The following HMCN1 variants were observed in gnomAD, a reference collection of about 807,000 sequenced individuals.
HMCN1 encodes hemicentin 1.
A neutral mutation model predicts 625.9 loss-of-function variants in HMCN1; 321 were observed. The observed-to-expected ratio is 0.51, with a 90% confidence interval of 0.47 to 0.56. The LOEUF (loss-of-function observed/expected upper bound fraction) is 0.56, where lower values mean the gene tolerates loss of function less well. HMCN1 is among the 20% of genes least tolerant of loss of function. The pLI is 0.00. For synonymous variants in HMCN1, 2,425 were observed against 2,417.6 expected, an observed-to-expected ratio of 1.00 and a Z score of -0.09; for missense variants, 6,588 against 6,887.3, an observed-to-expected ratio of 0.96 and a Z score of 1.54.
intron 4 of HMCN1, among the ~76,000 whole-genome samples, chr1:185,879,081 G>A (rs538487325): frequency 6.6e-6 from 1 of 152,226 alleles, no homozygotes; most frequent in South Asian, 2.1e-4. Flanking sequence ...TTAGTTAGTT[G>A]GTAAAATGCT....
At chr1:185,995,385 G>A (rs906137569) in intron 24 of HMCN1, among the ~76,000 whole-genome samples, 1 of 152,100 alleles carries the variant, frequency 6.6e-6, no homozygotes, top group African/African-American at 2.4e-5. Flanking sequence ...GACATTGTGG[G>A]AAGAGTGAGT....
chr1:186,123,857 G>T (rs574854261), intron 81 of HMCN1, among the ~76,000 whole-genome samples: 1 of 152,158 alleles, frequency 6.6e-6, no homozygotes, highest in South Asian at 2.1e-4. Context: ...ATTATAATGA[G>T]GAGTTTCTGC....
intron 1 of HMCN1, among the ~76,000 whole-genome samples, chr1:185,778,925 T>A (rs1479736148): frequency 2.0e-5 from 3 of 152,204 alleles, no homozygotes; most frequent in Admixed American, 2.0e-4. Flanking sequence ...TGCCACACTG[T>A]CTTCCACAAT....
At chr1:185,941,653 A>G (rs1008062159) in intron 11 of HMCN1, among the ~76,000 whole-genome samples, 3 of 152,210 alleles carry the variant, frequency 2.0e-5, no homozygotes, top group African/African-American at 7.2e-5. Context: ...TACTGTCTCC[A>G]TGGTTAGAGG....
chr1:185,781,185 G>A (rs967944400), intron 1 of HMCN1, among the ~76,000 whole-genome samples: 1 of 151,974 alleles, frequency 6.6e-6, no homozygotes, highest in Non-Finnish European at 1.5e-5. Flanking sequence ...CTGTGCAATC[G>A]GTGGTGATAT....
chr1:185,904,047 G>A (rs1665958672), intron 4 of HMCN1, among the ~76,000 whole-genome samples: 1 of 151,788 alleles, frequency 6.6e-6, no homozygotes, highest in Non-Finnish European at 1.5e-5. Flanking sequence ...AGTTCTTGTG[G>A]ACAGGGTCTG....
intron 4 of HMCN1, among the ~76,000 whole-genome samples, chr1:185,888,442 G>A (rs1249090916): frequency 7.0e-6 from 1 of 143,118 alleles, no homozygotes; most frequent in Non-Finnish European, 1.5e-5. Flanking sequence ...ATGGTTTTAG[G>A]TCTAATGTTT....
chr1:185,984,787 G>C (rs886834266), intron 19 of HMCN1, among the ~76,000 whole-genome samples: 2 of 152,064 alleles, frequency 1.3e-5, no homozygotes, highest in Non-Finnish European at 2.9e-5. Context: ...ATAACTTAAA[G>C]GTCACAAATA....
chr1:185,772,904 C>A (rs926448988), intron 1 of HMCN1, among the ~76,000 whole-genome samples: 1 of 152,010 alleles, frequency 6.6e-6, no homozygotes, highest in African/African-American at 2.4e-5. Flanking sequence ...GGCAGAAGAG[C>A]AAAAGAGTGA....
chr1:185,993,353 C>T (rs993771611), intron 23 of HMCN1, 44 bp downstream of exon 23: 1 of 1,607,626 alleles, frequency 6.2e-7, no homozygotes, highest in Non-Finnish European at 8.5e-7. Flanking sequence ...GTGGACTGGC[C>T]ACACAAAAAC....
At chr1:186,106,032 T>C (rs1234921417) in intron 69 of HMCN1, among the ~76,000 whole-genome samples, 1 of 152,238 alleles carries the variant, frequency 6.6e-6, no homozygotes, top group Non-Finnish European at 1.5e-5. Flanking sequence ...TCAATGTTTT[T>C]GAAAGGAGTT....
rs1284498665 is a variant in HMCN1 at position 186,088,695 on chromosome 1, A to G, written c.9667A>G (p.Thr3223Ala). 1.2e-6 allele frequency: 2 copies of G among 1,611,670 alleles called. No individual in the cohort carries two copies. The highest frequency in any genetic ancestry group is 1.7e-6 in the Non-Finnish European group (2 of 1,178,554). Residue 3223 changes from threonine to alanine, a missense_variant, in exon 63 of 107, where the codon ACA becomes GCA. Thr to Ala is a moderately conservative substitution (Grantham distance 58). Coordinates refer to ENST00000271588, the MANE Select transcript of HMCN1 (RefSeq NM_031935.3). ...TCAGCATTCAGATAGTGGAAACTAT[A>G]CATGTATTGCTTCAAATATGGAGGG... is the stretch of plus-strand genomic sequence containing the variant. ...RSQHSDSGNY[T>A]CIASNMEGKA...
chr1:185,859,887 T>G (rs1662755353), intron 2 of HMCN1, among the ~76,000 whole-genome samples: 4 of 152,024 alleles, frequency 2.6e-5, no homozygotes, highest in Admixed American at 2.6e-4. Context: ...CCCAGCCTGG[T>G]CGCGAACTCC....
intron 97 of HMCN1, among the ~76,000 whole-genome samples, chr1:186,160,318 T>G (rs1422209287): frequency 6.8e-6 from 1 of 146,068 alleles, no homozygotes; most frequent in Non-Finnish European, 1.5e-5. Context: ...TCTTTTTTTC[T>G]TTATTAGTCT....
intron 49 of HMCN1, 135 bp downstream of exon 49, chr1:186,065,564 T>C: frequency 1.7e-6 from 1 of 588,184 alleles, no homozygotes; most frequent in Middle Eastern, 4.6e-4. Flanking sequence ...TTGTGTACAT[T>C]TACTATTTTT....
chr1:186,183,560 C>A (rs1653084011), intron 105 of HMCN1, among the ~76,000 whole-genome samples: 1 of 152,184 alleles, frequency 6.6e-6, no homozygotes, highest in Non-Finnish European at 1.5e-5. Flanking sequence ...CATATTGTTA[C>A]CTTTTTCCAA....
intron 57 of HMCN1, among the ~76,000 whole-genome samples, chr1:186,083,697 T>C (rs998715533): frequency 2.0e-4 from 31 of 152,182 alleles, no homozygotes; most frequent in African/African-American, 7.5e-4. Context: ...ATGAAAAATT[T>C]CTGCCTTCTA....
chr1:185,997,350 G>A (rs1652861898), intron 24 of HMCN1, 79 bp from the exon 25 acceptor site: 6 of 835,254 alleles, frequency 7.2e-6, no homozygotes, highest in Non-Finnish European at 1.3e-5. Context: ...ACTCATCAGT[G>A]CAGGTAGTTA....
intron 1 of HMCN1, among the ~76,000 whole-genome samples, chr1:185,783,228 A>C (rs1217967800): frequency 6.6e-6 from 1 of 152,156 alleles, no homozygotes; most frequent in African/African-American, 2.4e-5. Context: ...TACACTGCTT[A>C]TTCTAGTTAC....
Sources: gnomAD v4.1 joint callset for allele counts (sites outside exome capture counted in the v4.1 genomes callset) on GRCh38, gnomAD v4.1.1 for gene constraint, MANE v1.5 for transcripts, NCBI Gene and HGNC (gene_info 2026-07-23, HGNC 2026-07-21) for gene names.